PLAC8: variants seen among roughly 807,000 people sequenced by gnomAD.
PLAC8 encodes the protein placenta associated 8, also known as placenta-specific gene 8 protein.
Under a neutral mutation model 12.6 loss-of-function variants are expected in PLAC8, and 6 were observed. The ratio of observed to expected loss-of-function variants is 0.48; its 90% CI spans 0.26 to 0.94. The LOEUF is 0.94. Ranked by LOEUF, PLAC8 falls within the 40% of genes least tolerant of loss-of-function variation. The probability of loss-of-function intolerance (pLI) is 0.14; values close to 1 mark genes in which losing one functional copy is unlikely to be tolerated. For missense variants in PLAC8, 122 were observed against 152.7 expected (o/e 0.80, Z 1.06); for synonymous variants, 54 against 52.6 (o/e 1.03, Z -0.11).
Position 83,104,961 on chromosome 4 carries a change from C to G in PLAC8, c.178G>C (p.Glu60Gln). 1 of 1,614,126 alleles carries G rather than the reference C, an allele frequency of 6.2e-7. No homozygotes were observed. The highest frequency in any genetic ancestry group is 8.5e-7 in the Non-Finnish European group (1 of 1,179,984). Reference sequence around the variant, plus strand: ...ACGCTTGTTCCACACAGACAGCATTCATTCATATCAGCTGCAACTTGACAC... The same window carrying G: ...ACGCTTGTTCCACACAGACAGCATTGATTCATATCAGCTGCAACTTGACAC... ...LGCQVAADMNECCLCGTSVAM... is the reference protein window; with the variant it reads ...LGCQVAADMNQCCLCGTSVAM... The change falls in exon 3 of 5, where the codon GAA (glutamate) becomes CAA (glutamine). Residue 60 changes from glutamate (E) to glutamine (Q), a missense_variant. Physicochemically the swap from Glu to Gln is conservative, Grantham distance 29. Coordinates refer to ENST00000311507, the MANE Select transcript of PLAC8 (RefSeq NM_016619.3).
intron 4 of PLAC8, among the ~76,000 whole-genome samples, chr4:83,092,068 T>C (rs1487042670): frequency 6.6e-6 from 1 of 152,200 alleles, no homozygotes; most frequent in African/African-American, 2.4e-5. Flanking sequence ...CCCATTTCGA[T>C]ATCTGTTTGT....
At chr4:83,107,721 A>G (rs1357741862) in intron 2 of PLAC8, 83 bp downstream of exon 2, 2 of 602,140 alleles carry the variant, frequency 3.3e-6, no homozygotes, top group African/African-American at 2.1e-5. Context: ...TTTCTACACA[A>G]TAAGGGAGGA....
intron 2 of PLAC8, among the ~76,000 whole-genome samples, chr4:83,106,707 C>A (rs1301135523): frequency 6.6e-6 from 1 of 152,072 alleles, no homozygotes; most frequent in African/African-American, 2.4e-5. Context: ...TATTTTCTTG[C>A]CTTAGAGTAC....
intron 2 of PLAC8, among the ~76,000 whole-genome samples, chr4:83,106,491 G>T (rs1462401184): frequency 6.6e-6 from 1 of 151,904 alleles, no homozygotes; most frequent in Non-Finnish European, 1.5e-5. Flanking sequence ...GGTTGTGCGT[G>T]CCTGTAACCC....
At chr4:83,097,235 G>A (rs947671206) in intron 3 of PLAC8, among the ~76,000 whole-genome samples, 1 of 151,954 alleles carries the variant, frequency 6.6e-6, no homozygotes. Context: ...TGTGGGGTGT[G>A]TGTGTGTGTG....
intron 1 of PLAC8, among the ~76,000 whole-genome samples, chr4:83,108,487 G>T (rs985662602): frequency 6.6e-6 from 1 of 152,170 alleles, no homozygotes; most frequent in African/African-American, 2.4e-5. Context: ...CCAGCTACTC[G>T]GGAGGCCGAG....
intron 2 of PLAC8, 141 bp downstream of exon 2, chr4:83,107,663 A>T: frequency 1.0e-5 from 1 of 98,546 alleles, no homozygotes. Flanking sequence ...TTTTTGCTAA[A>T]CATACCATTG....
chr4:83,104,146 TTAAGGTACA>T (rs754082672), intron 3 of PLAC8, among the ~76,000 whole-genome samples: 24 of 152,360 alleles, frequency 1.6e-4, no homozygotes, highest in Non-Finnish European at 3.4e-4. Flanking sequence ...TATTTTAAAA[TTAAGGTACA>T]TATGTTGTTT....
intron 2 of PLAC8, 94 bp from the exon 3 acceptor site, chr4:83,105,114 T>C: frequency 1.4e-6 from 2 of 1,458,198 alleles, no homozygotes; most frequent in South Asian, 1.2e-5. Context: ...GTCCGAGTCA[T>C]GGGGCCTTGG....
At chr4:83,107,249 A>AT (rs958476514) in intron 2 of PLAC8, among the ~76,000 whole-genome samples, 137 of 151,522 alleles carry the variant, frequency 9.0e-4, no homozygotes, top group African/African-American at 3.1e-3. Flanking sequence ...GCAGTCAGAG[A>AT]TTTTTTTTCC....
At chr4:83,095,341 T>C (rs1270386039) in intron 3 of PLAC8, among the ~76,000 whole-genome samples, 2 of 152,126 alleles carry the variant, frequency 1.3e-5, no homozygotes, top group Non-Finnish European at 2.9e-5. Context: ...GTTGAAGTTG[T>C]TGGGAAGAAA....
At position 83,090,366 on chromosome 4, in the gene PLAC8, A is replaced by G. The variant is rs1560450024; in HGVS notation, c.*615T>C. 2 of 152,026 alleles carry G rather than the reference A, an allele frequency of 1.3e-5. No homozygotes were observed. Among genetic ancestry groups the G allele is most frequent in the Non-Finnish European group, 2.9e-5 (2 of 68,052 alleles). 9.4% of individuals were successfully genotyped at this position (152,026 alleles called of 1,614,324 possible). On this transcript the variant is annotated 3_prime_UTR_variant, in exon 5 of 5. Coordinates refer to ENST00000311507, the MANE Select transcript of PLAC8 (RefSeq NM_016619.3). Reference sequence around the variant, plus strand: ...AAGATGGTGAAACCCCGTCTCTACTAAAAATACAAAAATTAGCTGGGCATG... The same window carrying G: ...AAGATGGTGAAACCCCGTCTCTACTGAAAATACAAAAATTAGCTGGGCATG...
chr4:83,107,620 C>CTTTTTTTTTTTTTTT lies in PLAC8; in HGVS notation c.118+169_118+183dup, dbSNP rs70946974. On this transcript the variant is annotated intron_variant, in intron 2 of 4. Coordinates refer to ENST00000311507, the MANE Select transcript of PLAC8 (RefSeq NM_016619.3). Reference sequence around the variant, plus strand: ...GAAAATTAAGTTATCCATACGGAGGCTTTTTTTTTTTTTTTTTTTTTTTTT... The same window carrying CTTTTTTTTTTTTTTT: ...GAAAATTAAGTTATCCATACGGAGGCTTTTTTTTTTTTTTTTTTTTTTTTTTTTTTTTTTTTTTTT... Among the ~76,000 whole-genome samples, 33 of 13,856 alleles carry CTTTTTTTTTTTTTTT rather than the reference C, an allele frequency of 2.4e-3. 15 individuals carry two copies. The highest frequency in any genetic ancestry group is 0.01 in the East Asian group (2 of 194). The allele number at this position is 13,856 out of a possible 152,430, so 9.1% of individuals were successfully genotyped here.
intron 1 of PLAC8, among the ~76,000 whole-genome samples, chr4:83,111,545 T>C (rs1560458114): frequency 1.3e-5 from 2 of 152,078 alleles, no homozygotes; most frequent in Non-Finnish European, 2.9e-5. Context: ...GCTGTTTGTA[T>C]TTTTTTCCCT....
intron 4 of PLAC8, chr4:83,093,176 C>T (rs1281248343): frequency 6.6e-6 from 1 of 152,290 alleles, no homozygotes; most frequent in African/African-American, 2.4e-5. Context: ...CTCCCTTGAC[C>T]ATCCTGCTGT....
Position 83,090,832 on chromosome 4 carries a change from A to G in PLAC8, c.*149T>C, listed in dbSNP as rs1731792232. On this transcript the variant is annotated 3_prime_UTR_variant, in exon 5 of 5. Transcript: ENST00000311507. ...AAGTTCAGGGACAACATTCATTTAT[A>G]ATAAATCAAAAATTTGATTTTTTTC... The G allele has an allele frequency of 6.6e-6, 1 of 152,168 alleles. No homozygotes were observed. The highest frequency in any genetic ancestry group is 6.5e-5 in the Admixed American group (1 of 15,272). 9.4% of individuals were successfully genotyped at this position (152,168 alleles called of 1,614,324 possible).
chr4:83,102,920 A>G (rs1291238829), intron 3 of PLAC8, among the ~76,000 whole-genome samples: 2 of 150,976 alleles, frequency 1.3e-5, no homozygotes, highest in African/African-American at 4.9e-5. Context: ...CCCCGTCTCT[A>G]CTAAAAATAC....
At chr4:83,108,670 G>A (rs1451942659) in intron 1 of PLAC8, among the ~76,000 whole-genome samples, 1 of 152,172 alleles carries the variant, frequency 6.6e-6, no homozygotes, top group Non-Finnish European at 1.5e-5. Context: ...TGGGGTAAGG[G>A]AGCTGAAGAG....
At chr4:83,094,818 A>T (rs372894483) in intron 3 of PLAC8, 27 bp from the exon 4 acceptor site, 65 of 1,369,576 alleles carry the variant, frequency 4.7e-5, no homozygotes, top group Non-Finnish European at 2.7e-5. Context: ...AAGAAATAAA[A>T]ATATAAAATT....
Sources: gnomAD v4.1 joint callset for allele counts (sites outside exome capture counted in the v4.1 genomes callset) on GRCh38, gnomAD v4.1.1 for gene constraint, MANE v1.5 for transcripts, NCBI Gene and HGNC (gene_info 2026-07-23, HGNC 2026-07-21) for gene names.